NFIA: variants seen among roughly 807,000 people sequenced by gnomAD.
NFIA encodes the protein nuclear factor 1 A-type.
In NFIA, 8 loss-of-function variants were observed where a neutral mutation model predicts 62.8. That is an observed-to-expected ratio of 0.13 (90% CI 0.07 to 0.23). The LOEUF is 0.23. Among genes scored for constraint, NFIA ranks in the 10% least tolerant of loss-of-function variants. The pLI, the probability that NFIA is intolerant of heterozygous loss-of-function variation, is 1.00. For synonymous variants in NFIA, 235 were observed against 238.1 expected (o/e 0.99, Z 0.12); for missense variants, 410 against 642.1 (o/e 0.64, Z 3.91).
intron 3 of NFIA, among the ~76,000 whole-genome samples, chr1:61,324,250 C>G (rs1660819025): frequency 2.6e-5 from 4 of 152,152 alleles, no homozygotes. Flanking sequence ...ACAGGCAGTC[C>G]AAAATCCTTC....
intron 2 of NFIA, among the ~76,000 whole-genome samples, chr1:61,236,574 G>A (rs1655028617): frequency 6.6e-6 from 1 of 151,790 alleles, no homozygotes; most frequent in Non-Finnish European, 1.5e-5. Flanking sequence ...GCCACACTTT[G>A]GCCTAATAGT....
chr1:61,393,727 G>A (rs1665127777), intron 7 of NFIA, among the ~76,000 whole-genome samples: 1 of 152,112 alleles, frequency 6.6e-6, no homozygotes, highest in Admixed American at 6.5e-5. Flanking sequence ...TCCAGAAGAA[G>A]GGGTGAAGAA....
intron 2 of NFIA, among the ~76,000 whole-genome samples, chr1:61,150,261 A>G (rs1285753523): frequency 2.0e-5 from 3 of 152,124 alleles, no homozygotes; most frequent in Admixed American, 6.5e-5. Flanking sequence ...ATGTCCCCCC[A>G]TTGTGAGTTG....
chr1:61,349,320 T>C (rs904314414), intron 4 of NFIA, among the ~76,000 whole-genome samples: 4 of 152,206 alleles, frequency 2.6e-5, no homozygotes, highest in African/African-American at 9.7e-5. Context: ...GTCTTCCATT[T>C]TTTTTAGCAG....
At chr1:61,181,045 C>T (rs963001861) in intron 2 of NFIA, among the ~76,000 whole-genome samples, 2 of 151,980 alleles carry the variant, frequency 1.3e-5, no homozygotes, top group African/African-American at 4.8e-5. Flanking sequence ...AGATTTTGAC[C>T]CCTGGAAAAA....
chr1:61,359,098 G>A lies in NFIA; in HGVS notation c.819-49G>A, dbSNP rs1221552115. On this transcript the variant is annotated intron_variant, in intron 5 of 10. Coordinates refer to ENST00000403491, the MANE Select transcript of NFIA (RefSeq NM_001134673.4). ...TCAACCAGAGGTGCAGTGTCCAAGA[G>A]AAAGGTGGTTGCGATTGCTTTTAAA... 1.9e-6 allele frequency: 3 copies of A among 1,602,546 alleles called. No individual in the cohort carries two copies. In the African/African-American group the frequency reaches 4.0e-5, roughly 21 times the overall value.
At chr1:61,253,982 T>C (rs999845806) in intron 2 of NFIA, among the ~76,000 whole-genome samples, 7 of 152,206 alleles carry the variant, frequency 4.6e-5, no homozygotes, top group African/African-American at 1.7e-4. Context: ...TCTATTTTGT[T>C]TGATTATTTA....
At chr1:61,304,239 G>A (rs1659638862) in intron 3 of NFIA, among the ~76,000 whole-genome samples, 1 of 151,740 alleles carries the variant, frequency 6.6e-6, no homozygotes, top group Admixed American at 6.6e-5. Context: ...TCACGCCACT[G>A]CACTCCAGCC....
At chr1:61,324,715 C>T (rs142459898) in intron 3 of NFIA, among the ~76,000 whole-genome samples, 3 of 152,264 alleles carry the variant, frequency 2.0e-5, no homozygotes, top group East Asian at 1.9e-4. Context: ...TGCTAAAAGG[C>T]GGATAGATGT....
At chr1:61,205,741 G>A (rs1570377743) in intron 2 of NFIA, among the ~76,000 whole-genome samples, 1 of 152,090 alleles carries the variant, frequency 6.6e-6, no homozygotes, top group Non-Finnish European at 1.5e-5. Flanking sequence ...GGACCAGAGA[G>A]GTTTGTTGAA....
At chr1:61,203,518 T>C (rs1652668342) in intron 2 of NFIA, among the ~76,000 whole-genome samples, 1 of 152,148 alleles carries the variant, frequency 6.6e-6, no homozygotes, top group African/African-American at 2.4e-5. Context: ...GTTGAAACCC[T>C]GCTCATCCTT....
At chr1:61,447,816 C>T (rs1406253313) in intron 10 of NFIA, among the ~76,000 whole-genome samples, 3 of 152,144 alleles carry the variant, frequency 2.0e-5, no homozygotes, top group Non-Finnish European at 4.4e-5. Flanking sequence ...CTCCGGCTCC[C>T]AGAGTCGTGC....
intron 2 of NFIA, among the ~76,000 whole-genome samples, chr1:61,169,004 C>T (rs1190920575): frequency 6.6e-6 from 1 of 152,186 alleles, no homozygotes; most frequent in Non-Finnish European, 1.5e-5. Context: ...GAAACTTCTG[C>T]TCCTCCTATC....
chr1:61,383,391 G>A (rs1341546021), intron 7 of NFIA, 26 bp downstream of exon 7: 1 of 1,613,334 alleles, frequency 6.2e-7, no homozygotes, highest in South Asian at 1.1e-5. Context: ...GGCACCCTTG[G>A]TTGTGCTTAT....
At chr1:61,355,886 C>T (rs567685705) in intron 5 of NFIA, among the ~76,000 whole-genome samples, 33 of 152,314 alleles carry the variant, frequency 2.2e-4, no homozygotes, top group Middle Eastern at 3.4e-3. Flanking sequence ...CCATGCCCAG[C>T]CCTCTTTTGT....
At chr1:61,320,651 C>T (rs980764569) in intron 3 of NFIA, among the ~76,000 whole-genome samples, 2 of 152,144 alleles carry the variant, frequency 1.3e-5, no homozygotes, top group Non-Finnish European at 2.9e-5. Context: ...AAAATTAGCA[C>T]ATGGCCCCTG....
chr1:61,174,108 GTC>G (rs1404106191), intron 2 of NFIA, among the ~76,000 whole-genome samples: 2 of 152,158 alleles, frequency 1.3e-5, no homozygotes, highest in Admixed American at 1.3e-4. Context: ...CTTTCATTTT[GTC>G]TCTCATCTTT....
At chr1:61,216,813 A>G (rs531410673) in intron 2 of NFIA, among the ~76,000 whole-genome samples, 1 of 152,130 alleles carries the variant, frequency 6.6e-6, no homozygotes, top group East Asian at 2.0e-4. Flanking sequence ...CAGTCTGACC[A>G]AAATGGTGGA....
intron 10 of NFIA, among the ~76,000 whole-genome samples, chr1:61,426,896 T>C (rs901125151): frequency 3.9e-5 from 6 of 152,056 alleles, no homozygotes; most frequent in African/African-American, 1.4e-4. Flanking sequence ...CTGAAAGTAA[T>C]ATCTGGTTGC....
Sources: allele counts gnomAD v4.1 joint callset (sites outside exome capture counted in the v4.1 genomes callset), GRCh38; gene constraint gnomAD v4.1.1; transcripts MANE v1.5; gene names NCBI Gene and HGNC (gene_info 2026-07-23, HGNC 2026-07-21).